NSD1: variants seen among roughly 807,000 people sequenced by gnomAD.
NSD1 encodes histone-lysine N-methyltransferase, H3 lysine-36 specific.
A neutral mutation model predicts 242.7 loss-of-function variants in NSD1; 26 were observed. That is an observed-to-expected ratio of 0.11 (90% CI 0.08 to 0.15). The LOEUF (loss-of-function observed/expected upper bound fraction) is 0.15. NSD1 is among the 10% of genes least tolerant of loss of function. The probability of loss-of-function intolerance (pLI) is 1.00; values close to 1 mark genes in which losing one functional copy is unlikely to be tolerated. For synonymous variants in NSD1, 1,106 were observed against 1,178.1 expected (o/e 0.94, Z 1.25); for missense variants, 2,495 against 3,272.8 (o/e 0.76, Z 5.80).
At chr5:177,184,123 C>T (rs945989309) in intron 2 of NSD1, among the ~76,000 whole-genome samples, 4 of 152,140 alleles carry the variant, frequency 2.6e-5, no homozygotes, top group African/African-American at 7.2e-5. Context: ...ATTTGAAATA[C>T]TGATTTCCTT....
rs578230403 is a variant in NSD1, at chr5:177,225,429, C to T, written c.3797-10392C>T. On this transcript the variant is annotated intron_variant, in intron 5 of 22. Transcript: ENST00000439151. ...AAGTGCTGGGATTACAGGTGTGAGC[C>T]GCCGTGCCCAGCCGTCTTAGTCTAG... Among the ~76,000 whole-genome samples, 17 of 152,280 alleles carry T rather than the reference C, an allele frequency of 1.1e-4. No individual in the cohort carries two copies. The East Asian group carries it at 2.7e-3, about 24-fold the overall frequency.
intron 5 of NSD1, among the ~76,000 whole-genome samples, chr5:177,227,208 TG>T (rs1764698372): frequency 6.6e-6 from 1 of 152,164 alleles, no homozygotes; most frequent in African/African-American, 2.4e-5. Flanking sequence ...GTTTTGTAGA[TG>T]TTTGCAATTT....
intron 14 of NSD1, among the ~76,000 whole-genome samples, chr5:177,264,028 ATTTTTTTTTTTTTT>A (rs61538775): frequency 1.3e-5 from 1 of 76,394 alleles, no homozygotes; most frequent in African/African-American, 5.1e-5. Flanking sequence ...CAATGAACCA[ATTTTTTTTTTTTTT>A]TTTTTTTTTT....
At chr5:177,223,551 C>T (rs919153839) in intron 5 of NSD1, among the ~76,000 whole-genome samples, 7 of 151,864 alleles carry the variant, frequency 4.6e-5, no homozygotes, top group Non-Finnish European at 8.8e-5. Flanking sequence ...CTACCCTGGG[C>T]GACAGAGCAA....
In NSD1 at chr5:177,194,601, T is replaced by A. The variant is rs867734120; in HGVS notation, c.1063+2582T>A. ...CCTCTTTTTTTTTTTTTTTTTTTTT[T>A]TAAAAAGGATGATTTCTCCAAAGTA... On this transcript the variant is annotated intron_variant, in intron 3 of 22. Transcript: ENST00000439151. 1.8e-3 allele frequency among the ~76,000 whole-genome samples: 260 copies of A among 143,806 alleles called. 1 individual carries two copies. Among genetic ancestry groups the A allele is most frequent in the African/African-American group, 4.1e-3 (147 of 36,198 alleles). The allele number at this position is 143,806 out of a possible 152,430, so 94.3% of individuals were successfully genotyped here. A position where few individuals can be genotyped will look rare whatever the true frequency, so the allele number is the denominator to read the frequency against.
intron 4 of NSD1, 40 bp from the exon 5 acceptor site, chr5:177,209,596 C>T (rs776006043): frequency 7.7e-6 from 11 of 1,426,902 alleles, no homozygotes; most frequent in Non-Finnish European, 1.1e-5. Context: ...CCACCCATTT[C>T]TTTGATAAGT....
rs915544063 is a variant in NSD1 at position 177,238,915 on chromosome 5, A to C, written c.4192+408A>C. ...AACTTGTTTCCTCATCTATAAATGG[A>C]GATCATAATGTATTAATGTGTAATG... On this transcript the variant is annotated intron_variant, in intron 7 of 22. Coordinates refer to ENST00000439151, the MANE Select transcript of NSD1 (RefSeq NM_022455.5). The surrounding 1 kb of genome is among the most constrained non-coding windows in gnomAD (Gnocchi z 4.6). 3.9e-5 allele frequency among the ~76,000 whole-genome samples: 6 copies of C among 152,212 alleles called. No individual in the cohort carries two copies. Among genetic ancestry groups the C allele is most frequent in the Non-Finnish European group, 5.9e-5 (4 of 68,040 alleles).
intron 2 of NSD1, among the ~76,000 whole-genome samples, chr5:177,164,924 GAA>G (rs897060548): frequency 6.7e-6 from 1 of 149,600 alleles, no homozygotes; most frequent in African/African-American, 2.5e-5. Context: ...GCCTGGGTGA[GAA>G]GAGCGAAACT....
chr5:177,260,793 A>G (rs1756937842), intron 14 of NSD1, among the ~76,000 whole-genome samples: 1 of 152,196 alleles, frequency 6.6e-6, no homozygotes, highest in East Asian at 1.9e-4. Context: ...CATCAGAAAA[A>G]AAAAATCATT....
In NSD1 at chr5:177,224,218, A is replaced by G. The variant is rs577894934; in HGVS notation, c.3797-11603A>G. ...TGCAAAAAAGCCAGTTATGATTTTG[A>G]TAGGGATTGTGCTGAATCTGTGGGG... On this transcript the variant is annotated intron_variant, in intron 5 of 22. Transcript: ENST00000439151. Among the ~76,000 whole-genome samples the G allele has an allele frequency of 2.0e-5, 3 of 152,280 alleles. No individual in the cohort carries two copies. In the South Asian group the frequency reaches 6.2e-4, roughly 32 times the overall value.
chr5:177,254,456 G>A (rs2149908693), intron 12 of NSD1, among the ~76,000 whole-genome samples: 1 of 152,112 alleles, frequency 6.6e-6, no homozygotes, highest in South Asian at 2.1e-4. Flanking sequence ...CCGGAGTGCA[G>A]TGGCGTGATC....
intron 5 of NSD1, among the ~76,000 whole-genome samples, chr5:177,228,404 A>G (rs924819075): frequency 1.3e-5 from 2 of 151,876 alleles, no homozygotes; most frequent in South Asian, 2.1e-4. Flanking sequence ...TTTAGTAGGG[A>G]CGGGATTTTG....
At chr5:177,187,767 A>G (rs544301636) in intron 2 of NSD1, among the ~76,000 whole-genome samples, 1 of 152,172 alleles carries the variant, frequency 6.6e-6, no homozygotes, top group African/African-American at 2.4e-5. Context: ...TCTCCATTTT[A>G]TTAGGAAACA....
At chr5:177,164,777 C>T (rs1370131793) in intron 2 of NSD1, among the ~76,000 whole-genome samples, 1 of 151,808 alleles carries the variant, frequency 6.6e-6, no homozygotes, top group Non-Finnish European at 1.5e-5. Context: ...AACTCCATCT[C>T]TACTAAAATA....
intron 2 of NSD1, among the ~76,000 whole-genome samples, chr5:177,185,958 T>TA (rs1761153229): frequency 1.1e-5 from 1 of 93,388 alleles, no homozygotes; most frequent in Non-Finnish European, 1.9e-5. Context: ...TAGTTATATA[T>TA]TTATATATAA....
rs1760087110 is a variant in NSD1, at chr5:177,294,220, G to A, written c.6852G>A (p.Glu2284=). ...QRPLLPERPL[E]RTDSRPQPLD... ...CATTGCTACCTGAAAGACCTCTTGA[G>A]AGAACTGACTCCAGGCCCCAGCCTT... The change falls in exon 23 of 23, where the codon GAG becomes GAA. Residue 2284 remains glutamate (E), a synonymous_variant. Transcript: ENST00000439151. The A allele has an allele frequency of 6.2e-7, 1 of 1,613,458 alleles. No homozygotes were observed. Among genetic ancestry groups the A allele is most frequent in the African/African-American group, 1.3e-5 (1 of 75,038 alleles).
At chr5:177,164,149 C>CTTTTTTTTTTTTTTTT (rs56076836) in intron 2 of NSD1, among the ~76,000 whole-genome samples, 1 of 138,392 alleles carries the variant, frequency 7.2e-6, no homozygotes. Flanking sequence ...AAAATGTAAC[C>CTTTTTTTTTTTTTTTT]TTTTTTTTTT....
chr5:177,234,909 C>T (rs1274941546), intron 5 of NSD1, among the ~76,000 whole-genome samples: 2 of 152,106 alleles, frequency 1.3e-5, no homozygotes, highest in African/African-American at 4.8e-5. Flanking sequence ...ATACAGTAAC[C>T]TTTTAATCAA....
At chr5:177,190,003 G>A (rs1761536438) in intron 2 of NSD1, among the ~76,000 whole-genome samples, 2 of 152,248 alleles carry the variant, frequency 1.3e-5, no homozygotes, top group Admixed American at 1.3e-4. Context: ...TGTAGCACAG[G>A]CTGGAGTGCA....
Sources: gnomAD v4.1 joint callset for allele counts (sites outside exome capture counted in the v4.1 genomes callset) on GRCh38, gnomAD v4.1.1 for gene constraint, Gnocchi (gnomAD v3.1) non-coding constraint, MANE v1.5 for transcripts, NCBI Gene and HGNC (gene_info 2026-07-23, HGNC 2026-07-21) for gene names.